The following NCOA6 variants were observed in gnomAD, a reference collection of about 807,000 sequenced individuals.
NCOA6 encodes nuclear receptor coactivator 6, also known as NRC RAP250.
NCOA6 carries 49 observed loss-of-function variants against 171.4 expected under a neutral mutation model. The ratio of observed to expected loss-of-function variants is 0.29; its 90% CI spans 0.23 to 0.36. The LOEUF is 0.36. Among genes scored for constraint, NCOA6 ranks in the 10% least tolerant of loss-of-function variants. The pLI, the probability that NCOA6 is intolerant of heterozygous loss-of-function variation, is 1.00. For missense variants in NCOA6, 2,248 were observed against 2,554.5 expected (o/e 0.88, Z 2.59); for synonymous variants, 910 against 927.5 (o/e 0.98, Z 0.34).
rs371936845 is a variant in NCOA6, at chr20:34,758,021, T to C, written c.727A>G (p.Met243Val). Reference sequence around the variant, plus strand: ...TGTCTGTTCACAGAGACAGGCTGCATTGGGTGATGTGGGGGAGCTAAAGAT... The same window carrying C: ...TGTCTGTTCACAGAGACAGGCTGCACTGGGTGATGTGGGGGAGCTAAAGAT... ...SGSLAPPHHP[M>V]QPVSVNRQMN... The change falls in exon 7 of 15, where the codon ATG becomes GTG. Residue 243 changes from methionine (M) to valine (V), a missense_variant. Physicochemically the swap from Met to Val is conservative, Grantham distance 21. Coordinates refer to ENST00000359003, the MANE Select transcript of NCOA6 (RefSeq NM_014071.5). 5.9e-5 allele frequency: 96 copies of C among 1,613,770 alleles called. No individual in the cohort carries two copies. The highest frequency in any genetic ancestry group is 9.4e-5 in the African/African-American group (7 of 74,808).
intron 11 of NCOA6, among the ~76,000 whole-genome samples, chr20:34,737,874 A>C (rs938333535): frequency 6.6e-6 from 1 of 152,164 alleles, no homozygotes; most frequent in African/African-American, 2.4e-5. Context: ...TTCTACTTTT[A>C]ACTTTAGTGT....
intron 12 of NCOA6, among the ~76,000 whole-genome samples, chr20:34,735,894 G>C (rs1198797267): frequency 6.6e-6 from 1 of 151,346 alleles, no homozygotes; most frequent in Non-Finnish European, 1.5e-5. Flanking sequence ...TCAAGTGTGT[G>C]AATTGTAGTT....
intron 8 of NCOA6, 129 bp downstream of exon 8, chr20:34,754,593 A>C: frequency 8.8e-7 from 1 of 1,131,670 alleles, no homozygotes; most frequent in Non-Finnish European, 1.2e-6. Flanking sequence ...CTGAAAGAAT[A>C]ATTATTTATG....
intron 5 of NCOA6, among the ~76,000 whole-genome samples, chr20:34,760,296 C>T (rs1174820022): frequency 1.3e-5 from 2 of 152,162 alleles, no homozygotes; most frequent in African/African-American, 2.4e-5. Context: ...AAAGTGACAA[C>T]GCCTATACTT....
chr20:34,749,577 C>G lies in NCOA6; in HGVS notation c.2618G>C (p.Gly873Ala), dbSNP rs542478234. The change falls in exon 9 of 15, where the codon GGC (glycine) becomes GCC (alanine). Residue 873 changes from glycine (G) to alanine (A), a missense_variant. Physicochemically the swap from Gly to Ala is moderately conservative, Grantham distance 60. Coordinates refer to ENST00000359003, the MANE Select transcript of NCOA6 (RefSeq NM_014071.5). The part of the protein sequence containing the change: ...GNQMSCGQNP[G>A]FPVNKDVTLT... ...CGTGACATCCTTATTGACTGGGAAG[C>G]CTGGATTTTGACCACAGGACATCTG... 1.2e-6 allele frequency: 2 copies of G among 1,614,164 alleles called. No individual in the cohort carries two copies. The highest frequency in any genetic ancestry group is 1.7e-5 in the Admixed American group (1 of 60,022).
At chr20:34,726,469 T>C (rs899642063) in intron 14 of NCOA6, among the ~76,000 whole-genome samples, 3 of 152,072 alleles carry the variant, frequency 2.0e-5, no homozygotes, top group Non-Finnish European at 4.4e-5. Context: ...TCAGGACCTA[T>C]CTGAAGTGGG....
chr20:34,782,890 T>C (rs1388204025), intron 2 of NCOA6, among the ~76,000 whole-genome samples: 4 of 152,172 alleles, frequency 2.6e-5, no homozygotes, highest in Non-Finnish European at 5.9e-5. Flanking sequence ...TTACCTAAAA[T>C]TCTGAAGTCT....
chr20:34,720,673 C>T (rs541144705), intron 14 of NCOA6, among the ~76,000 whole-genome samples: 14 of 152,100 alleles, frequency 9.2e-5, no homozygotes, highest in African/African-American at 3.4e-4. Flanking sequence ...AAAAAGAAGC[C>T]CTCTTTCCCC....
chr20:34,746,710 G>T, intron 10 of NCOA6, 97 bp downstream of exon 10: 1 of 1,344,752 alleles, frequency 7.4e-7, no homozygotes, highest in Non-Finnish European at 9.9e-7. Flanking sequence ...CTAGTTAGCA[G>T]ATAAAATAAA....
intron 13 of NCOA6, 124 bp from the exon 14 acceptor site, chr20:34,727,531 A>G (rs1258876004): frequency 1.2e-5 from 13 of 1,051,918 alleles, no homozygotes; most frequent in Non-Finnish European, 1.2e-5. Context: ...TTCTGGAGAG[A>G]AAGCAGTTCA....
At chr20:34,737,170 CCTAAAGA>C (rs374574668) in intron 11 of NCOA6, among the ~76,000 whole-genome samples, 73 of 152,238 alleles carry the variant, frequency 4.8e-4, no homozygotes, top group African/African-American at 1.7e-3. Context: ...AGCCTCACTC[CCTAAAGA>C]CTATACTCTA....
Position 34,749,552 on chromosome 20 carries a change from C to T in NCOA6, c.2643G>A (p.Thr881=), listed in dbSNP as rs147990465. ...AGTTGACCAACAATGGGCTCGTTAG[C>T]GTGACATCCTTATTGACTGGGAAGC... ...NPGFPVNKDV[T]LTSPLLVNLL... The change falls in exon 9 of 15, where the codon ACG becomes ACA. Residue 881 remains threonine, a synonymous_variant. Transcript: ENST00000359003. 2.0e-5 allele frequency: 33 copies of T among 1,614,074 alleles called. No individual in the cohort carries two copies. Among genetic ancestry groups the T allele is most frequent in the Admixed American group, 6.7e-5 (4 of 59,996 alleles).
chr20:34,740,458 G>A lies in NCOA6; in HGVS notation c.5798C>T (p.Thr1933Ile). The change falls in exon 11 of 15, where the codon ACA becomes ATA. Residue 1933 changes from threonine (T) to isoleucine (I), a missense_variant. By Grantham distance (89) the Thr-to-Ile change is moderately conservative (BLOSUM62 -1). Around this residue, in one of 7 missense-constraint regions of NCOA6, gnomAD observed 884 missense variants for 941.9 expected, o/e 0.94. Coordinates refer to ENST00000359003, the MANE Select transcript of NCOA6 (RefSeq NM_014071.5). ...TGCTATGCCACCATGATTGCTTTTT[G>A]TGGTCGGTACGGCGGAGATGAGCTC... ...PSELISAVPT[T>I]KSNHGGIASE... 1 of 1,614,210 alleles carries A rather than the reference G, an allele frequency of 6.2e-7. No individual in the cohort carries two copies. Among genetic ancestry groups the A allele is most frequent in the South Asian group, 1.1e-5 (1 of 91,092 alleles).
intron 9 of NCOA6, among the ~76,000 whole-genome samples, chr20:34,749,113 A>C (rs1001655481): frequency 2.6e-5 from 4 of 152,234 alleles, no homozygotes; most frequent in African/African-American, 9.6e-5. Context: ...CTAAGGAAGT[A>C]TTAGTTTTCT....
At chr20:34,724,159 G>C (rs368859037) in intron 14 of NCOA6, among the ~76,000 whole-genome samples, 2 of 152,096 alleles carry the variant, frequency 1.3e-5, no homozygotes, top group African/African-American at 4.8e-5. Flanking sequence ...TGAAGTTATT[G>C]GCTTCATATC....
intron 1 of NCOA6, among the ~76,000 whole-genome samples, chr20:34,796,466 C>A (rs919377971): frequency 1.3e-5 from 2 of 151,368 alleles, no homozygotes; most frequent in Middle Eastern, 3.2e-3. Context: ...CAAAAAAATA[C>A]AAAAAATTAG....
chr20:34,815,454 T>C (rs1364756565), intron 1 of NCOA6, among the ~76,000 whole-genome samples: 1 of 152,116 alleles, frequency 6.6e-6, no homozygotes. Context: ...CCAGTCTTCC[T>C]CAATTCTATT....
rs959568257 is a variant in NCOA6, at chr20:34,803,465, TA to T, written c.-163-10903del. On this transcript the variant is annotated intron_variant, in intron 1 of 14. Transcript: ENST00000359003. Reference sequence around the variant, plus strand: ...CTGGGTGACAGAGCAAGACTTGGTCTAAAAAAAAAAAGAAAAAAAAAACAAA... The same window carrying T: ...CTGGGTGACAGAGCAAGACTTGGTCTAAAAAAAAAAGAAAAAAAAAACAAA... Among the ~76,000 whole-genome samples the T allele has an allele frequency of 1.1e-3, 129 of 121,196 alleles. 1 individual carries two copies. Among genetic ancestry groups the T allele is most frequent in the Admixed American group, 1.1e-3 (13 of 11,414 alleles). The allele number at this position is 121,196 out of a possible 152,430, so 79.5% of individuals were successfully genotyped here.
chr20:34,812,128 C>A (rs2078685714), intron 1 of NCOA6, among the ~76,000 whole-genome samples: 1 of 152,012 alleles, frequency 6.6e-6, no homozygotes, highest in African/African-American at 2.4e-5. Flanking sequence ...TGGCATGTGC[C>A]TGTAGTCCCA....
Sources: allele counts gnomAD v4.1 joint callset (sites outside exome capture counted in the v4.1 genomes callset), GRCh38; gene constraint gnomAD v4.1.1; regional missense constraint gnomAD v4.1.1; transcripts MANE v1.5; gene names NCBI Gene and HGNC (gene_info 2026-07-23, HGNC 2026-07-21).